Variants in IL1RAPL2 observed in about 807,000 individuals in gnomAD.
The protein encoded by IL1RAPL2 is interleukin 1 receptor accessory protein like 2.
In IL1RAPL2, 3 loss-of-function variants were observed where a neutral mutation model predicts 44.1. That is an observed-to-expected ratio of 0.07 (90% CI 0.03 to 0.18). IL1RAPL2 has a LOEUF of 0.18. IL1RAPL2 is among the 10% of genes least tolerant of loss of function. The pLI, the probability that IL1RAPL2 is intolerant of heterozygous loss-of-function variation, is 1.00. For synonymous variants in IL1RAPL2, 181 were observed against 178.8 expected, an observed-to-expected ratio of 1.01 and a Z score of -0.10; for missense variants, 391 against 496.4, an observed-to-expected ratio of 0.79 and a Z score of 2.02.
intron 2 of IL1RAPL2, among the ~76,000 whole-genome samples, chrX:104,904,703 T>C (rs1162666927): frequency 1.8e-5 from 2 of 110,201 alleles, no homozygotes; most frequent in African/African-American, 6.6e-5. Context: ...AGTCTATCAT[T>C]GTTGGACATT....
intron 2 of IL1RAPL2, among the ~76,000 whole-genome samples, chrX:104,780,370 G>T (rs975998881): frequency 8.9e-6 from 1 of 112,116 alleles, no homozygotes; most frequent in Non-Finnish European, 1.9e-5. Context: ...TCAAGCTAGA[G>T]TTTGTTACTC....
chrX:105,731,450 C>T (rs754996028), intron 7 of IL1RAPL2, among the ~76,000 whole-genome samples: 53 of 110,984 alleles, frequency 4.8e-4, no homozygotes, highest in Non-Finnish European at 8.5e-4. Flanking sequence ...ATCCATCAAT[C>T]CCACTACTGG....
intron 2 of IL1RAPL2, among the ~76,000 whole-genome samples, chrX:104,893,537 T>A (rs1402988639): frequency 8.9e-6 from 1 of 111,801 alleles, no homozygotes; most frequent in Non-Finnish European, 1.9e-5. Flanking sequence ...TTTACCATTA[T>A]GTAATGGTCT....
At position 105,219,276 on chromosome X, in the gene IL1RAPL2, G is replaced by A. The variant is rs782695080; in HGVS notation, c.357-14542G>A. ...GTATGTCTGAGAAGGAGGAAAAAGG[G>A]CTTGAGTATGAGTATGAGTATGAGG... On this transcript the variant is annotated intron_variant, in intron 3 of 10. Transcript: ENST00000372582. 9.1e-6 allele frequency: 11 copies of A among 1,208,642 alleles called. No homozygotes were observed. The African/African-American group carries it at 1.9e-4, about 21-fold the overall frequency.
At chrX:105,163,283 A>C (rs189831682) in intron 2 of IL1RAPL2, among the ~76,000 whole-genome samples, 16 of 112,072 alleles carry the variant, frequency 1.4e-4, no homozygotes, top group African/African-American at 5.2e-4. Context: ...AAGGCTGCTC[A>C]AAAAGCCTCC....
intron 2 of IL1RAPL2, among the ~76,000 whole-genome samples, chrX:104,819,082 G>A (rs1284232120): frequency 1.8e-5 from 2 of 112,227 alleles, no homozygotes; most frequent in Non-Finnish European, 3.8e-5. Flanking sequence ...AGGCCTTGGT[G>A]AGCAGATAGC....
chrX:104,756,787 A>T (rs1456985423), intron 2 of IL1RAPL2, among the ~76,000 whole-genome samples: 2 of 110,036 alleles, frequency 1.8e-5, no homozygotes, highest in Admixed American at 9.8e-5. Context: ...TTCACTGAGG[A>T]GGACTCACAT....
chrX:105,469,297 A>G (rs919176622), intron 5 of IL1RAPL2, among the ~76,000 whole-genome samples: 2 of 110,613 alleles, frequency 1.8e-5, no homozygotes, highest in African/African-American at 6.6e-5. Context: ...TTTAGCCTGA[A>G]AGGGGAAGAG....
chrX:105,315,245 A>G (rs1371219753), intron 5 of IL1RAPL2, among the ~76,000 whole-genome samples: 4 of 110,349 alleles, frequency 3.6e-5, no homozygotes, highest in Non-Finnish European at 7.6e-5. Context: ...ACCTCTGATG[A>G]GGAACACTTT....
intron 4 of IL1RAPL2, among the ~76,000 whole-genome samples, chrX:105,246,468 C>T (rs1179973779): frequency 9.0e-6 from 1 of 111,414 alleles, no homozygotes; most frequent in Non-Finnish European, 1.9e-5. Context: ...AAATCCATCT[C>T]CCTGATGGAC....
intron 1 of IL1RAPL2, among the ~76,000 whole-genome samples, chrX:104,629,454 T>C (rs1197477879): frequency 8.9e-6 from 1 of 112,281 alleles, no homozygotes; most frequent in Non-Finnish European, 1.9e-5. Context: ...GAATAGTTTG[T>C]AAATATTTTC....
intron 2 of IL1RAPL2, among the ~76,000 whole-genome samples, chrX:105,031,458 T>G (rs2031493876): frequency 8.9e-6 from 1 of 111,875 alleles, no homozygotes; most frequent in African/African-American, 3.3e-5. Context: ...CATGAAGGGT[T>G]GTTGAATTTT....
At chrX:105,496,228 T>C (rs1569447783) in intron 6 of IL1RAPL2, among the ~76,000 whole-genome samples, 1 of 112,392 alleles carries the variant, frequency 8.9e-6, no homozygotes, top group Non-Finnish European at 1.9e-5. Flanking sequence ...TCTTACATGA[T>C]TGATATCTCA....
chrX:104,666,625 T>A (rs1178628114), intron 2 of IL1RAPL2, among the ~76,000 whole-genome samples: 1 of 112,435 alleles, frequency 8.9e-6, no homozygotes, highest in East Asian at 2.8e-4. Flanking sequence ...ATATTTTATC[T>A]GCCAGAGTGG....
At chrX:105,149,557 TGTG>T (rs1224053388) in intron 2 of IL1RAPL2, among the ~76,000 whole-genome samples, 1 of 111,179 alleles carries the variant, frequency 9.0e-6, no homozygotes, top group East Asian at 2.8e-4. Flanking sequence ...CATGGCCAGG[TGTG>T]GTGGCTCATG....
At chrX:105,188,618 GA>G (rs2033610056) in intron 2 of IL1RAPL2, among the ~76,000 whole-genome samples, 1 of 111,976 alleles carries the variant, frequency 8.9e-6, no homozygotes, top group South Asian at 3.7e-4. Context: ...GTTGCAATGA[GA>G]TGAAGGACTT....
At chrX:105,025,345 T>A (rs1402478182) in intron 2 of IL1RAPL2, among the ~76,000 whole-genome samples, 3 of 111,628 alleles carry the variant, frequency 2.7e-5, no homozygotes, top group African/African-American at 9.7e-5. Context: ...TAAAACAGAA[T>A]TGAAGTTGAA....
At chrX:105,409,616 G>T (rs1234078299) in intron 5 of IL1RAPL2, among the ~76,000 whole-genome samples, 3 of 111,262 alleles carry the variant, frequency 2.7e-5, no homozygotes, top group South Asian at 7.5e-4. Context: ...TGAATGCCAT[G>T]AAGGAGCCAA....
At chrX:105,750,916 G>A (rs1272064270) in intron 9 of IL1RAPL2, among the ~76,000 whole-genome samples, 1 of 110,832 alleles carries the variant, frequency 9.0e-6, no homozygotes, top group Non-Finnish European at 1.9e-5. Flanking sequence ...CTGGTTCCCA[G>A]GTGCCAGCAA....
Sources: gnomAD v4.1 joint callset for allele counts (sites outside exome capture counted in the v4.1 genomes callset) on GRCh38, gnomAD v4.1.1 for gene constraint, MANE v1.5 for transcripts, NCBI Gene and HGNC (gene_info 2026-07-23, HGNC 2026-07-21) for gene names.